The following MAB21L3 variants were observed in gnomAD, a reference collection of about 807,000 sequenced individuals.
MAB21L3 encodes mab-21 like 3.
In MAB21L3, 36 loss-of-function variants were observed where a neutral mutation model predicts 37.7. That is an observed-to-expected ratio of 0.96 (90% CI 0.73 to 1.26). The LOEUF is 1.26. Among genes scored for constraint, MAB21L3 ranks in the 50% most tolerant of loss-of-function variants. The pLI is 0.00. For missense variants in MAB21L3, 430 were observed against 447.3 expected (o/e 0.96, Z 0.35); for synonymous variants, 186 against 176.8 (o/e 1.05, Z -0.41).
chr1:116,129,726 G>A (rs766954876), intron 7 of MAB21L3, among the ~76,000 whole-genome samples: 33 of 152,180 alleles, frequency 2.2e-4, no homozygotes, highest in Non-Finnish European at 3.4e-4. Flanking sequence ...ACATAGTAGC[G>A]CATTAAATAT....
chr1:116,123,022 A>T (rs1010240005), intron 4 of MAB21L3, among the ~76,000 whole-genome samples: 3 of 152,268 alleles, frequency 2.0e-5, no homozygotes, highest in Admixed American at 1.3e-4. Context: ...GGAGCTGATT[A>T]GGGCTTTCCC....
At chr1:116,126,904 T>G (rs1352848884) in intron 5 of MAB21L3, among the ~76,000 whole-genome samples, 2 of 152,184 alleles carry the variant, frequency 1.3e-5, no homozygotes, top group Non-Finnish European at 1.5e-5. Context: ...CATGAGATAT[T>G]CAACACTTTA....
At chr1:116,116,628 T>C (rs560372379) in intron 3 of MAB21L3, among the ~76,000 whole-genome samples, 2 of 152,276 alleles carry the variant, frequency 1.3e-5, no homozygotes, top group Non-Finnish European at 2.9e-5. Flanking sequence ...TTGGAGAGCC[T>C]GTCTAATTCT....
chr1:116,126,219 A>T (rs1019348714), intron 5 of MAB21L3, among the ~76,000 whole-genome samples: 21 of 152,208 alleles, frequency 1.4e-4, no homozygotes, highest in African/African-American at 4.6e-4. Flanking sequence ...ATAGATCCTG[A>T]TCTATTCAAG....
chr1:116,132,661 G>T (rs1271459297), intron 7 of MAB21L3, among the ~76,000 whole-genome samples: 2 of 152,166 alleles, frequency 1.3e-5, no homozygotes, highest in African/African-American at 2.4e-5. Flanking sequence ...GGTTGGGGTT[G>T]CAGGAGAGCT....
chr1:116,133,537 T>G lies in MAB21L3; in HGVS notation c.*172T>G. On this transcript the variant is annotated 3_prime_UTR_variant, in exon 8 of 8. Coordinates refer to ENST00000369500, the MANE Select transcript of MAB21L3 (RefSeq NM_152367.3). ...GCAGGGGGAAAACTGTGCCCCAGGATGTCTGGCCCAGGCCTCCCTGGAGCC... is the reference window on the plus strand; with the variant it reads ...GCAGGGGGAAAACTGTGCCCCAGGAGGTCTGGCCCAGGCCTCCCTGGAGCC... 7.7e-6 allele frequency: 5 copies of G among 648,622 alleles called. No homozygotes were observed. The South Asian group carries it at 7.8e-5, about 10-fold the overall frequency. 40.2% of individuals were successfully genotyped at this position (648,622 alleles called of 1,614,324 possible). A position where few individuals can be genotyped will look rare whatever the true frequency, so the allele number is the denominator to read the frequency against.
In MAB21L3 at chr1:116,127,567, A is replaced by C. The variant is rs1332798413; in HGVS notation, c.583A>C (p.Thr195Pro). Residue 195 changes from threonine to proline, a missense_variant, in exon 6 of 8, where the codon ACC becomes CCC. Physicochemically the swap from Thr to Pro is conservative, Grantham distance 38 (BLOSUM62 -1). Transcript: ENST00000369500. ...GCTGGTCCCCGCAGTGGAGATCCCC[A>C]CCACCTGGTCCAAGAAAGCCCGGTG... ...LELVPAVEIP[T>P]TWSKKARWPR... 1 of 1,614,104 alleles carries C rather than the reference A, an allele frequency of 6.2e-7. No homozygotes were observed. The highest frequency in any genetic ancestry group is 1.1e-5 in the South Asian group (1 of 91,080).
chr1:116,119,651 G>A (rs906359296), intron 3 of MAB21L3, among the ~76,000 whole-genome samples: 1 of 152,112 alleles, frequency 6.6e-6, no homozygotes, highest in Admixed American at 6.5e-5. Flanking sequence ...GCCTCTGAAG[G>A]AGAGTCTTGC....
rs1570817830 is a variant in MAB21L3, at chr1:116,135,590, T to A, written c.*2225T>A. Among the ~76,000 whole-genome samples, 1 of 152,156 alleles carries A rather than the reference T, an allele frequency of 6.6e-6. No individual in the cohort carries two copies. The highest frequency in any genetic ancestry group is 1.5e-5 in the Non-Finnish European group (1 of 68,040). Reference sequence around the variant, plus strand: ...ACCATTCCTTCTGAAACTATTCCAATCAATTGAAAAAGAGGGAATCCTCCC... The same window carrying A: ...ACCATTCCTTCTGAAACTATTCCAAACAATTGAAAAAGAGGGAATCCTCCC... On this transcript the variant is annotated 3_prime_UTR_variant, in exon 8 of 8. Transcript: ENST00000369500.
chr1:116,121,338 CAATG>C (rs1226349770), intron 4 of MAB21L3, among the ~76,000 whole-genome samples: 1 of 152,028 alleles, frequency 6.6e-6, no homozygotes, highest in Non-Finnish European at 1.5e-5. Context: ...CCAGCCTGGG[CAATG>C]TAGTGAGATT....
At chr1:116,124,564 T>C (rs1659846787) in intron 5 of MAB21L3, among the ~76,000 whole-genome samples, 1 of 152,208 alleles carries the variant, frequency 6.6e-6, no homozygotes, top group Non-Finnish European at 1.5e-5. Flanking sequence ...ACTAACAAAA[T>C]AGTCTTGTGG....
intron 3 of MAB21L3, among the ~76,000 whole-genome samples, chr1:116,115,680 A>G (rs1322243258): frequency 6.6e-6 from 1 of 152,236 alleles, no homozygotes; most frequent in Non-Finnish European, 1.5e-5. Flanking sequence ...ATCGGAATGC[A>G]AGTGAGTCAG....
intron 5 of MAB21L3, 86 bp downstream of exon 5, chr1:116,124,443 C>A: frequency 8.3e-7 from 1 of 1,205,876 alleles, no homozygotes; most frequent in Non-Finnish European, 1.2e-6. Flanking sequence ...TTACCTGCAG[C>A]TCACAGCCTA....
chr1:116,133,543 G>A lies in MAB21L3; in HGVS notation c.*178G>A, dbSNP rs1660135837. On this transcript the variant is annotated 3_prime_UTR_variant, in exon 8 of 8. Coordinates refer to ENST00000369500, the MANE Select transcript of MAB21L3 (RefSeq NM_152367.3). ...GGAAAACTGTGCCCCAGGATGTCTGGCCCAGGCCTCCCTGGAGCCCAGCAA... is the reference window on the plus strand; with the variant it reads ...GGAAAACTGTGCCCCAGGATGTCTGACCCAGGCCTCCCTGGAGCCCAGCAA... 4.8e-6 allele frequency: 3 copies of A among 631,482 alleles called. No homozygotes were observed. The highest frequency in any genetic ancestry group is 2.7e-6 in the Non-Finnish European group (1 of 364,028). The allele number at this position is 631,482 out of a possible 1,614,324, so 39.1% of individuals were successfully genotyped here.
chr1:116,115,073 T>C (rs1659550468), intron 3 of MAB21L3, among the ~76,000 whole-genome samples: 1 of 152,184 alleles, frequency 6.6e-6, no homozygotes, highest in Non-Finnish European at 1.5e-5. Context: ...CTTACTAACT[T>C]TGGGAACCTG....
chr1:116,116,478 T>A (rs748971131), intron 3 of MAB21L3, among the ~76,000 whole-genome samples: 7 of 152,184 alleles, frequency 4.6e-5, no homozygotes, highest in South Asian at 2.1e-4. Context: ...CCTAAATACA[T>A]GGAGACCTAG....
At chr1:116,122,476 T>C (rs1196096877) in intron 4 of MAB21L3, among the ~76,000 whole-genome samples, 1 of 152,264 alleles carries the variant, frequency 6.6e-6, no homozygotes, top group Non-Finnish European at 1.5e-5. Flanking sequence ...ATGTCTCACA[T>C]ATTAAGTTTT....
At chr1:116,114,643 G>T in intron 3 of MAB21L3, among the ~76,000 whole-genome samples, 1 of 152,308 alleles carries the variant, frequency 6.6e-6, no homozygotes, top group East Asian at 1.9e-4. Flanking sequence ...GATGTGGCCT[G>T]CTAAATGAAA....
chr1:116,125,588 C>G (rs1241990095), intron 5 of MAB21L3, among the ~76,000 whole-genome samples: 1 of 149,894 alleles, frequency 6.7e-6, no homozygotes, highest in East Asian at 1.9e-4. Context: ...ATATGAGATT[C>G]CATCTGTGTG....
Sources: gnomAD v4.1 joint callset for allele counts (sites outside exome capture counted in the v4.1 genomes callset) on GRCh38, gnomAD v4.1.1 for gene constraint, MANE v1.5 for transcripts, NCBI Gene and HGNC (gene_info 2026-07-23, HGNC 2026-07-21) for gene names.